The following TSPAN9 variants were observed in gnomAD, a reference collection of about 807,000 sequenced individuals.
The protein encoded by TSPAN9 is tetraspanin-9.
In TSPAN9, 16 loss-of-function variants were observed where a neutral mutation model predicts 31.0. The ratio of observed to expected loss-of-function variants is 0.52; its 90% CI spans 0.35 to 0.78. TSPAN9 has a LOEUF of 0.78. Ranked by LOEUF, TSPAN9 falls within the 30% of genes least tolerant of loss-of-function variation. The pLI is 0.01. For synonymous variants in TSPAN9, 145 were observed against 121.6 expected (o/e 1.19, Z -1.27); for missense variants, 272 against 312.5 (o/e 0.87, Z 0.98).
chr12:3,120,225 A>G (rs898834263), intron 2 of TSPAN9, among the ~76,000 whole-genome samples: 2 of 152,212 alleles, frequency 1.3e-5, no homozygotes, highest in Admixed American at 1.3e-4. Context: ...TCAAGCGTGG[A>G]AAGTTTTTTA....
intron 3 of TSPAN9, among the ~76,000 whole-genome samples, chr12:3,240,122 C>G (rs2098395833): frequency 6.6e-6 from 1 of 152,162 alleles, no homozygotes; most frequent in African/African-American, 2.4e-5. Context: ...CTCACCCGGC[C>G]TCCACAACCT....
chr12:3,119,594 C>T lies in TSPAN9; in HGVS notation c.-18+35875C>T, dbSNP rs76442674. ...CCTCTCAGCCCGTCCTGCCCCTGCC[C>T]GGAGGGCTGTGTGCTTCACTGGAGG... On this transcript the variant is annotated intron_variant, in intron 2 of 8. Transcript: ENST00000011898. Among the ~76,000 whole-genome samples, 26 of 152,296 alleles carry T rather than the reference C, an allele frequency of 1.7e-4. No individual in the cohort carries two copies. The East Asian group carries it at 1.7e-3, about 10-fold the overall frequency.
chr12:3,245,168 C>T (rs1409125196), intron 3 of TSPAN9, among the ~76,000 whole-genome samples: 3 of 152,238 alleles, frequency 2.0e-5, no homozygotes, highest in Non-Finnish European at 4.4e-5. Flanking sequence ...TTCTGGAACT[C>T]GGCACTGCTC....
chr12:3,118,256 GTTTTTTTTT>G (rs72307230), intron 2 of TSPAN9, among the ~76,000 whole-genome samples: 677 of 31,570 alleles, frequency 0.021, 51 homozygotes, highest in Non-Finnish European at 0.034. Context: ...TGCACCCGCC[GTTTTTTTTT>G]TTTTTTTTTT....
In TSPAN9 at chr12:3,187,931, A is replaced by T. The variant is rs527872027; in HGVS notation, c.-17-13246A>T. Among the ~76,000 whole-genome samples the T allele has an allele frequency of 6.6e-6, 1 of 152,140 alleles. No homozygotes were observed. The highest frequency in any genetic ancestry group is 1.9e-4 in the East Asian group (1 of 5,180). ...TTTCATTTGATTGCTCTTTGCCCAGATGCAGATGGAGCGTTTGCTCTGTAA... is the reference window on the plus strand; with the variant it reads ...TTTCATTTGATTGCTCTTTGCCCAGTTGCAGATGGAGCGTTTGCTCTGTAA... On this transcript the variant is annotated intron_variant, in intron 2 of 8. Coordinates refer to ENST00000011898, the MANE Select transcript of TSPAN9 (RefSeq NM_006675.5). This position sits in a 1 kb window ranked among gnomAD's most constrained non-coding sequence, Gnocchi z 5.2.
chr12:3,230,244 G>A lies in TSPAN9; in HGVS notation c.63+28988G>A, dbSNP rs571163008. 1.8e-4 allele frequency among the ~76,000 whole-genome samples: 28 copies of A among 152,282 alleles called. 1 individual carries two copies. Among genetic ancestry groups the A allele is most frequent in the African/African-American group, 6.7e-4 (28 of 41,574 alleles). ...CCGGTGCCGGTTATAGGCATCACAC[G>A]TTGTCCAGGAGGATGAATGCTTTTG... On this transcript the variant is annotated intron_variant, in intron 3 of 8. Transcript: ENST00000011898.
At chr12:3,109,798 C>CAAA (rs147799673) in intron 2 of TSPAN9, among the ~76,000 whole-genome samples, 3,816 of 91,814 alleles carry the variant, frequency 0.042, 268 homozygotes, top group African/African-American at 0.13. Flanking sequence ...AACTCTGTCT[C>CAAA]AAAAAAAAAA....
At chr12:3,212,221 C>A (rs903912434) in intron 3 of TSPAN9, among the ~76,000 whole-genome samples, 2 of 152,134 alleles carry the variant, frequency 1.3e-5, no homozygotes, top group Non-Finnish European at 2.9e-5. Flanking sequence ...CTGCCAGCCT[C>A]GGCCTCCCAA....
At position 3,170,227 on chromosome 12, in the gene TSPAN9, GT is replaced by G. The variant is rs2098350997; in HGVS notation, c.-17-30947del. Among the ~76,000 whole-genome samples the G allele has an allele frequency of 3.3e-5, 5 of 152,082 alleles. No individual in the cohort carries two copies. In the South Asian group the frequency reaches 1.0e-3, roughly 31 times the overall value. On this transcript the variant is annotated intron_variant, in intron 2 of 8. Coordinates refer to ENST00000011898, the MANE Select transcript of TSPAN9 (RefSeq NM_006675.5). This position sits in a 1 kb window ranked among gnomAD's most constrained non-coding sequence, Gnocchi z 4.4. ...TCTGAATTTCTCTCCCATCCATCTC[GT>G]TTATGGTGTTTACAGGGAATATTCT...
intron 2 of TSPAN9, among the ~76,000 whole-genome samples, chr12:3,137,245 A>G (rs2098332534): frequency 6.6e-6 from 1 of 152,088 alleles, no homozygotes; most frequent in African/African-American, 2.4e-5. Flanking sequence ...CACAGGGCCC[A>G]CTTGGGCATG....
At chr12:3,116,261 A>G (rs2098322359) in intron 2 of TSPAN9, among the ~76,000 whole-genome samples, 1 of 152,202 alleles carries the variant, frequency 6.6e-6, no homozygotes, top group Non-Finnish European at 1.5e-5. Context: ...CTGGGGCTTC[A>G]GACTGGGGTT....
At chr12:3,125,104 G>A (rs1430968063) in intron 2 of TSPAN9, 1 of 151,440 alleles carries the variant, frequency 6.6e-6, no homozygotes, top group East Asian at 1.9e-4. Context: ...AAAATGTCAA[G>A]CAAATATTGT....
chr12:3,106,861 C>G (rs1397152619), intron 2 of TSPAN9, among the ~76,000 whole-genome samples: 1 of 152,200 alleles, frequency 6.6e-6, no homozygotes, highest in African/African-American at 2.4e-5. Context: ...GCTTCTCAAG[C>G]TCAGGCTGAC....
rs957055019 is a variant in TSPAN9 at position 3,168,404 on chromosome 12, G to C, written c.-17-32773G>C. Among the ~76,000 whole-genome samples the C allele has an allele frequency of 2.6e-5, 4 of 152,198 alleles. No homozygotes were observed. Among genetic ancestry groups the C allele is most frequent in the African/African-American group, 9.7e-5 (4 of 41,430 alleles). On this transcript the variant is annotated intron_variant, in intron 2 of 8. Coordinates refer to ENST00000011898, the MANE Select transcript of TSPAN9 (RefSeq NM_006675.5). This position sits in a 1 kb window ranked among gnomAD's most constrained non-coding sequence, Gnocchi z 4.0. ...ATGTTCCGGGTGCTGTAGGGGTGCT[G>C]GGTGAACAAGAACTGGGCCTGTCTG...
chr12:3,170,958 A>G lies in TSPAN9; in HGVS notation c.-17-30219A>G, dbSNP rs1332875672. Among the ~76,000 whole-genome samples the G allele has an allele frequency of 6.6e-6, 1 of 151,952 alleles. No individual in the cohort carries two copies. The highest frequency in any genetic ancestry group is 1.5e-5 in the Non-Finnish European group (1 of 67,990). On this transcript the variant is annotated intron_variant, in intron 2 of 8. Transcript: ENST00000011898. This position sits in a 1 kb window ranked among gnomAD's most constrained non-coding sequence, Gnocchi z 4.4. ...GACGTCCTAATGTACTGAAAAGCAC[A>G]CTCGTTGCCTCCCCACTCCTGTGTT... is the stretch of plus-strand genomic sequence containing the variant.
At chr12:3,116,991 C>T (rs1049203018) in intron 2 of TSPAN9, among the ~76,000 whole-genome samples, 7 of 152,214 alleles carry the variant, frequency 4.6e-5, no homozygotes, top group Non-Finnish European at 8.8e-5. Flanking sequence ...CAGACACAAA[C>T]TGAGTGTCAG....
chr12:3,207,126 G>A (rs149093237), intron 3 of TSPAN9, among the ~76,000 whole-genome samples: 1 of 152,014 alleles, frequency 6.6e-6, no homozygotes, highest in East Asian at 1.9e-4. Context: ...CGAAGTAGAG[G>A]GGCACTGCAG....
intron 2 of TSPAN9, chr12:3,171,644 C>T (rs1287882195): frequency 6.6e-6 from 1 of 152,168 alleles, no homozygotes; most frequent in Non-Finnish European, 1.5e-5. Context: ...AGAAAATGCC[C>T]AGTAAATTCA....
intron 2 of TSPAN9, among the ~76,000 whole-genome samples, chr12:3,097,250 GTCACC>G (rs2098309576): frequency 6.6e-6 from 1 of 152,150 alleles, no homozygotes; most frequent in Non-Finnish European, 1.5e-5. Flanking sequence ...TCGACCCAGG[GTCACC>G]TCAGAGCTCC....
Sources: allele counts gnomAD v4.1 joint callset (sites outside exome capture counted in the v4.1 genomes callset), GRCh38; gene constraint gnomAD v4.1.1; non-coding constraint Gnocchi (gnomAD v3.1); transcripts MANE v1.5; gene names NCBI Gene and HGNC (gene_info 2026-07-23, HGNC 2026-07-21).